The following FBXW4 variants were observed in gnomAD, a reference collection of about 807,000 sequenced individuals.
FBXW4 encodes F-box/WD repeat-containing protein 4.
Under a neutral mutation model 61.8 loss-of-function variants are expected in FBXW4, and 40 were observed. That is an observed-to-expected ratio of 0.65 (90% CI 0.50 to 0.84). FBXW4 has a LOEUF of 0.84. Among genes scored for constraint, FBXW4 ranks in the 40% least tolerant of loss-of-function variants. The pLI, the probability that FBXW4 is intolerant of heterozygous loss-of-function variation, is 0.00. For missense variants in FBXW4, 672 were observed against 753.8 expected (o/e 0.89, Z 1.27); for synonymous variants, 311 against 313.8 (o/e 0.99, Z 0.10).
intron 5 of FBXW4, among the ~76,000 whole-genome samples, chr10:101,632,682 T>C (rs939809504): frequency 6.6e-6 from 1 of 152,214 alleles, no homozygotes; most frequent in African/African-American, 2.4e-5. Flanking sequence ...AATAAGGTGT[T>C]GGGAGCTGCA....
chr10:101,672,116 G>A (rs1263203685), intron 4 of FBXW4, among the ~76,000 whole-genome samples: 1 of 152,056 alleles, frequency 6.6e-6, no homozygotes, highest in African/African-American at 2.4e-5. Context: ...TTTTTTTCCT[G>A]TTAGCACTAT....
At chr10:101,634,666 T>C (rs1347040122) in intron 5 of FBXW4, among the ~76,000 whole-genome samples, 2 of 148,352 alleles carry the variant, frequency 1.3e-5, no homozygotes, top group Non-Finnish European at 3.0e-5. Context: ...CAATAAATGG[T>C]ATAGGGTCCA....
intron 6 of FBXW4, among the ~76,000 whole-genome samples, chr10:101,621,188 C>A (rs1298680823): frequency 6.6e-6 from 1 of 152,160 alleles, no homozygotes; most frequent in African/African-American, 2.4e-5. Flanking sequence ...AGCAGGTTCA[C>A]CTCCGCCTCC....
Position 101,612,321 on chromosome 10 carries a change from T to C in FBXW4, c.1442+16A>G, listed in dbSNP as rs887874434. The C allele has an allele frequency of 1.3e-5, 20 of 1,535,936 alleles. No individual in the cohort carries two copies. Among genetic ancestry groups the C allele is most frequent in the Non-Finnish European group, 1.8e-5 (20 of 1,136,194 alleles). ...CAGGGCCCCCACCACCTGTCCTCCCTGCCCAGCACACTCACCGGACGCTGG... is the reference window on the plus strand; with the variant it reads ...CAGGGCCCCCACCACCTGTCCTCCCCGCCCAGCACACTCACCGGACGCTGG... On this transcript the variant is annotated intron_variant, in intron 7 of 8. Coordinates refer to ENST00000331272, the MANE Select transcript of FBXW4 (RefSeq NM_022039.4).
chr10:101,615,799 A>C (rs758881399), intron 6 of FBXW4, among the ~76,000 whole-genome samples: 10 of 152,156 alleles, frequency 6.6e-5, no homozygotes, highest in Non-Finnish European at 1.0e-4. Context: ...ACAGGCCCTG[A>C]GTGCTAAGCT....
rs1289541721 is a variant in FBXW4, at chr10:101,694,875, C to T, written c.231G>A (p.Ala77=). ...CTGCTTCCTCCCTTGGGCATGCCCT[C>T]GCTCCCGCGTCAGCCCCCGGCCCGG... ...EAAGPGADAG[A]RACPREEAEG... Residue 77 remains alanine, a synonymous_variant, in exon 1 of 9, where the codon GCG becomes GCA. Transcript: ENST00000331272. This position sits in a 1 kb window ranked among gnomAD's most constrained non-coding sequence, Gnocchi z 6.0. 7.2e-6 allele frequency: 9 copies of T among 1,243,150 alleles called. No homozygotes were observed. The highest frequency in any genetic ancestry group is 7.0e-6 in the Non-Finnish European group (7 of 994,666). 77.0% of individuals were successfully genotyped at this position (1,243,150 alleles called of 1,614,324 possible). A position where few individuals can be genotyped will look rare whatever the true frequency, so the allele number is the denominator to read the frequency against.
intron 6 of FBXW4, among the ~76,000 whole-genome samples, chr10:101,623,637 T>C (rs2134815812): frequency 6.6e-6 from 1 of 152,314 alleles, no homozygotes; most frequent in Non-Finnish European, 1.5e-5. Flanking sequence ...CTGTACGTGT[T>C]GTAATAGCTT....
At chr10:101,617,803 G>C (rs2063837293) in intron 6 of FBXW4, among the ~76,000 whole-genome samples, 1 of 152,182 alleles carries the variant, frequency 6.6e-6, no homozygotes, top group South Asian at 2.1e-4. Flanking sequence ...CAATTTCAAA[G>C]AGTTCAGGGG....
chr10:101,669,233 C>G (rs1240062590), intron 4 of FBXW4, among the ~76,000 whole-genome samples: 1 of 152,120 alleles, frequency 6.6e-6, no homozygotes, highest in Non-Finnish European at 1.5e-5. Context: ...CAAAGGTAAA[C>G]ACCACAACTT....
Position 101,624,777 on chromosome 10 carries a change from G to T in FBXW4, c.1269C>A (p.His423Gln). 1 of 1,614,262 alleles carries T rather than the reference G, an allele frequency of 6.2e-7. No homozygotes were observed. The highest frequency in any genetic ancestry group is 8.5e-7 in the Non-Finnish European group (1 of 1,180,056). Residue 423 changes from histidine to glutamine, a missense_variant, in exon 6 of 9, where the codon CAC becomes CAA. This residue lies in a region of FBXW4 where 312 missense variants were observed against 370.1 expected (regional missense o/e 0.84). Transcript: ENST00000331272. ...SFVTGTACCG[H>Q]FSPLRIWDLN... ...GGTCCCAGATTCTCAGGGGTGAGAA[G>T]TGCCCGCAACAAGCCGTCCCTGTCA...
intron 6 of FBXW4, among the ~76,000 whole-genome samples, chr10:101,615,479 A>C (rs1453335473): frequency 6.6e-6 from 1 of 152,072 alleles, no homozygotes; most frequent in Non-Finnish European, 1.5e-5. Context: ...AATGAGACAC[A>C]GGCTGAGGAG....
chr10:101,648,958 TC>T (rs2064123995), intron 5 of FBXW4, among the ~76,000 whole-genome samples: 1 of 152,096 alleles, frequency 6.6e-6, no homozygotes, highest in Non-Finnish European at 1.5e-5. Context: ...TCTCTCCCTC[TC>T]CTCTACCATG....
At chr10:101,670,539 C>T (rs1368896268) in intron 4 of FBXW4, among the ~76,000 whole-genome samples, 1 of 152,236 alleles carries the variant, frequency 6.6e-6, no homozygotes, top group African/African-American at 2.4e-5. Flanking sequence ...GGCTCTTGCC[C>T]TAGAGCTTTA....
At chr10:101,663,404 T>A (rs1463416363) in intron 5 of FBXW4, among the ~76,000 whole-genome samples, 1 of 152,218 alleles carries the variant, frequency 6.6e-6, no homozygotes, top group Non-Finnish European at 1.5e-5. Context: ...AGTTAAGTGT[T>A]TAGTATTTCT....
rs1202246864 is a variant in FBXW4 at position 101,631,675 on chromosome 10, T to C, written c.1236-6865A>G. 2.6e-5 allele frequency among the ~76,000 whole-genome samples: 4 copies of C among 151,662 alleles called. No homozygotes were observed. The East Asian group carries it at 7.8e-4, about 29-fold the overall frequency. Reference sequence around the variant, plus strand: ...CAGAGTCTCGCTCTGTCGCCTAGGCTGGAGTGCAGTGGCGCAATCTCGGCT... The same window carrying C: ...CAGAGTCTCGCTCTGTCGCCTAGGCCGGAGTGCAGTGGCGCAATCTCGGCT... On this transcript the variant is annotated intron_variant, in intron 5 of 8. Transcript: ENST00000331272.
chr10:101,641,302 G>A (rs896966507), intron 5 of FBXW4, among the ~76,000 whole-genome samples: 12 of 152,140 alleles, frequency 7.9e-5, no homozygotes, highest in Non-Finnish European at 1.8e-4. Context: ...AGATGGTGAT[G>A]GAAAACACAG....
At chr10:101,693,382 A>G (rs2064632370) in intron 1 of FBXW4, among the ~76,000 whole-genome samples, 1 of 152,220 alleles carries the variant, frequency 6.6e-6, no homozygotes, top group Admixed American at 6.5e-5. Context: ...AAAAAGCTGA[A>G]CACTACATGT....
chr10:101,638,322 C>T (rs140255078), intron 5 of FBXW4, among the ~76,000 whole-genome samples: 43 of 152,184 alleles, frequency 2.8e-4, no homozygotes, highest in African/African-American at 9.2e-4. Flanking sequence ...GACCTCCAAG[C>T]CTCGTAGGGA....
In FBXW4 at chr10:101,622,149, A is replaced by G. The variant is rs1589741996; in HGVS notation, c.1301+2596T>C. On this transcript the variant is annotated intron_variant, in intron 6 of 8. Transcript: ENST00000331272. ...TTTGAAAAGACTGACTATAGAATGG[A>G]TTTTTCAAAAAAAAAAAAAAAAGCT... is the stretch of plus-strand genomic sequence containing the variant. 2.2e-5 allele frequency among the ~76,000 whole-genome samples: 3 copies of G among 133,482 alleles called. No homozygotes were observed. In the South Asian group the frequency reaches 6.8e-4, roughly 30 times the overall value. The allele number at this position is 133,482 out of a possible 152,430, so 87.6% of individuals were successfully genotyped here.
Sources: gnomAD v4.1 joint callset for allele counts (sites outside exome capture counted in the v4.1 genomes callset) on GRCh38, gnomAD v4.1.1 for gene constraint, gnomAD v4.1.1 regional missense constraint, Gnocchi (gnomAD v3.1) non-coding constraint, MANE v1.5 for transcripts, NCBI Gene and HGNC (gene_info 2026-07-23, HGNC 2026-07-21) for gene names.